Variants in TMEM181 observed in about 807,000 individuals in gnomAD.
TMEM181 encodes G protein-coupled receptor 178.
TMEM181 carries 39 observed loss-of-function variants against 71.9 expected under a neutral mutation model. The ratio of observed to expected loss-of-function variants is 0.54; its 90% CI spans 0.42 to 0.71. The LOEUF (loss-of-function observed/expected upper bound fraction) is 0.71. TMEM181 is among the 30% of genes least tolerant of loss of function. TMEM181 has a pLI of 0.00. For synonymous variants in TMEM181, 245 were observed against 228.8 expected, an observed-to-expected ratio of 1.07 and a Z score of -0.64; for missense variants, 595 against 583.0, an observed-to-expected ratio of 1.02 and a Z score of -0.21.
intron 1 of TMEM181, among the ~76,000 whole-genome samples, chr6:158,572,973 T>G (rs1582964592): frequency 1.3e-5 from 2 of 151,922 alleles, no homozygotes. Flanking sequence ...ACCTGGAGCT[T>G]CGAGTGGGGC....
intron 1 of TMEM181, among the ~76,000 whole-genome samples, chr6:158,546,884 C>G (rs542158268): frequency 6.6e-6 from 1 of 152,122 alleles, no homozygotes; most frequent in Non-Finnish European, 1.5e-5. Context: ...CATTTGAACC[C>G]GGGAGGTGGA....
upstream of TMEM181, among the ~76,000 whole-genome samples, chr6:158,559,520 A>AG (rs1484369138): frequency 2.6e-5 from 4 of 152,242 alleles, no homozygotes; most frequent in Admixed American, 2.6e-4. Flanking sequence ...TCTTGATTAC[A>AG]GAAATGGGGA....
chr6:158,547,663 G>A (rs1781571452), intron 1 of TMEM181, among the ~76,000 whole-genome samples: 1 of 151,896 alleles, frequency 6.6e-6, no homozygotes, highest in Non-Finnish European at 1.5e-5. Context: ...TTGTAACAAC[G>A]ATTCCAGACC....
chr6:158,562,724 A>G (rs1432729139), intron 1 of TMEM181, among the ~76,000 whole-genome samples: 3 of 152,098 alleles, frequency 2.0e-5, no homozygotes, highest in Non-Finnish European at 4.4e-5. Context: ...TTAATTATTT[A>G]GGACTTTGTC....
intron 3 of TMEM181, among the ~76,000 whole-genome samples, 158 bp from the exon 4 acceptor site, chr6:158,583,796 T>A (rs983584660): frequency 1.3e-5 from 2 of 152,054 alleles, no homozygotes; most frequent in Non-Finnish European, 2.9e-5. Context: ...TGAGACTCCA[T>A]CAAAATAAAA....
intron 6 of TMEM181, among the ~76,000 whole-genome samples, chr6:158,600,150 T>C (rs1003469459): frequency 6.6e-6 from 1 of 152,216 alleles, no homozygotes; most frequent in African/African-American, 2.4e-5. Context: ...ATTTATTGAA[T>C]AAAGCATTGT....
Position 158,613,142 on chromosome 6 carries a change from C to T in TMEM181, c.896+4392C>T, listed in dbSNP as rs1583035513. 2.6e-5 allele frequency among the ~76,000 whole-genome samples: 4 copies of T among 152,250 alleles called. No individual in the cohort carries two copies. The South Asian group carries it at 8.3e-4, about 32-fold the overall frequency. ...GGCTTTGACTTGAGTGTGATGTATG[C>T]AGGGGTTGATTCCTGTAACAGATGT... On this transcript the variant is annotated intron_variant, in intron 10 of 16. Transcript: ENST00000684151.
intron 6 of TMEM181, among the ~76,000 whole-genome samples, chr6:158,599,169 T>G (rs1296679279): frequency 6.6e-6 from 1 of 152,204 alleles, no homozygotes; most frequent in East Asian, 1.9e-4. Context: ...GGCCTTTTAC[T>G]GGTCATATTT....
At chr6:158,540,681 T>C (rs188268460) in intron 1 of TMEM181, among the ~76,000 whole-genome samples, 157 of 152,028 alleles carry the variant, frequency 1.0e-3, no homozygotes, top group African/African-American at 3.6e-3. Flanking sequence ...CTTCGGAGGC[T>C]GAGGCATGAG....
intron 10 of TMEM181, among the ~76,000 whole-genome samples, chr6:158,617,509 C>T (rs1334311751): frequency 1.3e-5 from 2 of 151,936 alleles, no homozygotes; most frequent in East Asian, 3.9e-4. Context: ...TTATTTCTTG[C>T]CTTCTGCTAG....
chr6:158,605,142 GTGTGTGTGTGTGTGTGTA>G, intron 6 of TMEM181, 107 bp from the exon 7 acceptor site: 5 of 557,224 alleles, frequency 9.0e-6, no homozygotes, highest in African/African-American at 2.2e-5. Context: ...GTGTGTGTGT[GTGTGTGTGTGTGTGTGTA>G]TGTGTATATA....
At position 158,583,938 on chromosome 6, in the gene TMEM181, G is replaced by GTTTTT. The variant is rs200418727; in HGVS notation, c.169-11_169-7dup. The GTTTTT allele has an allele frequency of 2.0e-6, 3 of 1,509,524 alleles. No homozygotes were observed. The highest frequency in any genetic ancestry group is 1.8e-5 in the Admixed American group (1 of 54,384). The allele number at this position is 1,509,524 out of a possible 1,614,324, so 93.5% of individuals were successfully genotyped here. On this transcript the variant is annotated splice_polypyrimidine_tract_variant and intron_variant, in intron 3 of 16. Coordinates refer to ENST00000684151, the MANE Select transcript of TMEM181 (RefSeq NM_001376852.1). The stretch of plus-strand genomic sequence containing the variant: ...ATGAAAAGGTCACATGGATTACTTT[G>GTTTTT]TTTTTTTTTCTTCAGCTAAAGCCAA...
At chr6:158,617,274 G>C (rs1471640869) in intron 10 of TMEM181, among the ~76,000 whole-genome samples, 1 of 152,114 alleles carries the variant, frequency 6.6e-6, no homozygotes, top group Non-Finnish European at 1.5e-5. Context: ...TTTGAGTAGA[G>C]GTGTTTATAG....
chr6:158,609,940 C>T (rs574373733), intron 10 of TMEM181: 22 of 229,578 alleles, frequency 9.6e-5, no homozygotes, highest in Admixed American at 6.5e-4. Context: ...TGGAGGAGTA[C>T]GTCAGGACTG....
At chr6:158,598,747 C>A (rs937552059) in intron 6 of TMEM181, among the ~76,000 whole-genome samples, 8 of 151,326 alleles carry the variant, frequency 5.3e-5, no homozygotes, top group Non-Finnish European at 1.0e-4. Flanking sequence ...AATCTCGGCT[C>A]ACTGCAAGCT....
intron 13 of TMEM181, 23 bp downstream of exon 13, chr6:158,625,777 A>G (rs1562314993): frequency 1.3e-6 from 2 of 1,597,938 alleles, no homozygotes; most frequent in East Asian, 4.5e-5. Flanking sequence ...TATTTCTTGA[A>G]AACAGCAAAA....
intron 15 of TMEM181, among the ~76,000 whole-genome samples, 165 bp downstream of exon 15, chr6:158,629,984 T>C (rs1786571214): frequency 1.3e-5 from 2 of 152,118 alleles, no homozygotes; most frequent in Non-Finnish European, 2.9e-5. Context: ...CTGAGGTGAG[T>C]TGGGGCCCAG....
At chr6:158,562,720 A>G (rs1782258023) in intron 1 of TMEM181, among the ~76,000 whole-genome samples, 1 of 152,056 alleles carries the variant, frequency 6.6e-6, no homozygotes, top group Non-Finnish European at 1.5e-5. Flanking sequence ...TCATTTAATT[A>G]TTTAGGACTT....
chr6:158,550,061 TC>T (rs1356028616), intron 1 of TMEM181, among the ~76,000 whole-genome samples: 1 of 150,414 alleles, frequency 6.6e-6, no homozygotes, highest in Non-Finnish European at 1.5e-5. Context: ...TGATCAATCA[TC>T]CTGTAGTTAG....
Sources: gnomAD v4.1 joint callset for allele counts (sites outside exome capture counted in the v4.1 genomes callset) on GRCh38, gnomAD v4.1.1 for gene constraint, MANE v1.5 for transcripts, NCBI Gene and HGNC (gene_info 2026-07-23, HGNC 2026-07-21) for gene names.